Variants in CYB5RL observed in about 807,000 individuals in gnomAD.
CYB5RL encodes the protein NADH-cytochrome b5 reductase-like.
CYB5RL carries 38 observed loss-of-function variants against 37.5 expected under a neutral mutation model. The ratio of observed to expected loss-of-function variants is 1.01; its 90% confidence interval spans 0.78 to 1.33. The LOEUF is 1.33. Ranked by LOEUF, CYB5RL falls within the 40% of genes most tolerant of loss-of-function variation. The pLI, the probability that CYB5RL is intolerant of heterozygous loss-of-function variation, is 0.00. For synonymous variants in CYB5RL, 141 were observed against 151.9 expected, an observed-to-expected ratio of 0.93 and a Z score of 0.53; for missense variants, 388 against 394.4, an observed-to-expected ratio of 0.98 and a Z score of 0.14.
chr1:54,179,922 C>T, intron 6 of CYB5RL: 2 of 454,028 alleles, frequency 4.4e-6, no homozygotes, highest in Admixed American at 4.7e-5. Flanking sequence ...GCATGTAGCA[C>T]AGCACTGGCA....
intron 5 of CYB5RL, chr1:54,185,014 A>T (rs1306336207): frequency 1.3e-5 from 2 of 152,248 alleles, no homozygotes; most frequent in African/African-American, 2.4e-5. Flanking sequence ...TTGAGGATGC[A>T]GGCAAGACAG....
intron 3 of CYB5RL, among the ~76,000 whole-genome samples, chr1:54,193,361 C>A (rs886268285): frequency 6.6e-6 from 1 of 151,974 alleles, no homozygotes; most frequent in Non-Finnish European, 1.5e-5. Context: ...GTCTGGTAGT[C>A]CTGAGTTAGG....
At chr1:54,193,961 C>T (rs1643980455) in intron 3 of CYB5RL, among the ~76,000 whole-genome samples, 1 of 149,470 alleles carries the variant, frequency 6.7e-6, no homozygotes, top group Non-Finnish European at 1.5e-5. Flanking sequence ...TGGAGTGAGA[C>T]TCTGCCTCAA....
chr1:54,197,312 C>CTTTTTTTTTTT (rs199620217), intron 1 of CYB5RL, among the ~76,000 whole-genome samples: 2 of 130,378 alleles, frequency 1.5e-5, no homozygotes, highest in Admixed American at 8.0e-5. Context: ...TTTTTCTTTT[C>CTTTTTTTTTTT]TTTTCTTTTT....
At chr1:54,190,616 T>G in intron 4 of CYB5RL, 132 bp downstream of exon 4, 1 of 1,124,218 alleles carries the variant, frequency 8.9e-7, no homozygotes, top group Non-Finnish European at 1.3e-6. Flanking sequence ...CTCTGAGTCA[T>G]GTGTCACTAT....
At chr1:54,178,702 C>T (rs983932803) in intron 7 of CYB5RL, among the ~76,000 whole-genome samples, 2 of 152,188 alleles carry the variant, frequency 1.3e-5, no homozygotes, top group Non-Finnish European at 2.9e-5. Context: ...TGGCATCATG[C>T]TAAGCACTGA....
In CYB5RL at chr1:54,171,054, T is replaced by G. The variant is rs891815130; in HGVS notation, c.*3565A>C. On this transcript the variant is annotated 3_prime_UTR_variant, in exon 8 of 8. Coordinates refer to ENST00000534324, the MANE Select transcript of CYB5RL (RefSeq NM_001031672.4). The stretch of plus-strand genomic sequence containing the variant: ...CATGCTCACATGCAGATGACACTTA[T>G]GGGTACAGCGACAGAAAAGCACACA... 2 of 441,418 alleles carry G rather than the reference T, an allele frequency of 4.5e-6. No homozygotes were observed. Among genetic ancestry groups the G allele is most frequent in the Admixed American group, 2.4e-5 (1 of 42,130 alleles). The allele number at this position is 441,418 out of a possible 1,614,324, so 27.3% of individuals were successfully genotyped here. A position where few individuals can be genotyped will look rare whatever the true frequency, so the allele number is the denominator to read the frequency against.
In CYB5RL at chr1:54,187,734, A is replaced by G; in HGVS notation, c.353T>C (p.Ile118Thr). 1 of 1,613,850 alleles carries G rather than the reference A, an allele frequency of 6.2e-7. No individual in the cohort carries two copies. The highest frequency in any genetic ancestry group is 1.7e-5 in the Admixed American group (1 of 60,018). The change falls in exon 5 of 8, where the codon ATA becomes ACA. Residue 118 changes from isoleucine to threonine, a missense_variant. Coordinates refer to ENST00000534324, the MANE Select transcript of CYB5RL (RefSeq NM_001031672.4). ...RPGQHLILRG[I>T]VDDLEIQRAY... is the part of the protein sequence containing the mutation. ...TCTCTGAATTTCTAAGTCATCTACTATCCCTCTGAGAAACAGAAGTGTGCA... is the reference window on the plus strand; with the variant it reads ...TCTCTGAATTTCTAAGTCATCTACTGTCCCTCTGAGAAACAGAAGTGTGCA...
rs1644061405 is a variant in CYB5RL, at chr1:54,199,958, C to G, written c.-223+18G>C. 2.2e-6 allele frequency: 1 copy of G among 461,736 alleles called. No homozygotes were observed. Among genetic ancestry groups the G allele is most frequent in the African/African-American group, 2.0e-5 (1 of 50,048 alleles). The allele number at this position is 461,736 out of a possible 1,614,324, so 28.6% of individuals were successfully genotyped here. ...TCTGAAGTCCTGGAGCGATTCTCCA[C>G]CCACCACGACCACTCACCTACTCGC... On this transcript the variant is annotated intron_variant, in intron 1 of 7. Coordinates refer to ENST00000534324, the MANE Select transcript of CYB5RL (RefSeq NM_001031672.4).
intron 7 of CYB5RL, among the ~76,000 whole-genome samples, chr1:54,178,446 C>T (rs1660075872): frequency 6.6e-6 from 1 of 152,180 alleles, no homozygotes; most frequent in African/African-American, 2.4e-5. Context: ...AGCTGAGGGC[C>T]TGGCTTGAGA....
At chr1:54,179,387 T>G (rs1433428898) in intron 6 of CYB5RL, 35 bp from the exon 7 acceptor site, 1 of 1,590,806 alleles carries the variant, frequency 6.3e-7, no homozygotes, top group South Asian at 1.1e-5. Context: ...GACAGGTGGG[T>G]TGGGAGAGTC....
chr1:54,192,741 CTATCACTA>C (rs764008184), intron 3 of CYB5RL, among the ~76,000 whole-genome samples: 23 of 151,740 alleles, frequency 1.5e-4, no homozygotes, highest in Non-Finnish European at 2.8e-4. Context: ...GTGAGTCTTT[CTATCACTA>C]CCCTGTGTTT....
Position 54,174,607 on chromosome 1 carries a change from G to T in CYB5RL, c.*12C>A, listed in dbSNP as rs781522510. 3 of 1,599,278 alleles carry T rather than the reference G, an allele frequency of 1.9e-6. No homozygotes were observed. Among genetic ancestry groups the T allele is most frequent in the Non-Finnish European group, 2.6e-6 (3 of 1,173,590 alleles). ...CAGGCTCATGGCCTAGGCTTTGGAA[G>T]AGAGGCCAGGGCTAGAAGAGGAAAT... On this transcript the variant is annotated 3_prime_UTR_variant, in exon 8 of 8. Coordinates refer to ENST00000534324, the MANE Select transcript of CYB5RL (RefSeq NM_001031672.4).
intron 7 of CYB5RL, among the ~76,000 whole-genome samples, chr1:54,176,130 T>C (rs149669917): frequency 1.2e-4 from 18 of 152,302 alleles, no homozygotes; most frequent in Admixed American, 9.8e-4. Flanking sequence ...AGGATCATGA[T>C]TGTGAGGAGA....
rs193192587 is a variant in CYB5RL, at chr1:54,184,492, G to A, written c.436-227C>T. The A allele has an allele frequency of 2.1e-4, 105 of 499,868 alleles. 1 individual carries two copies. Among genetic ancestry groups the A allele is most frequent in the Non-Finnish European group, 3.0e-4 (85 of 279,610 alleles). 31.0% of individuals were successfully genotyped at this position (499,868 alleles called of 1,614,324 possible). A position where few individuals can be genotyped will look rare whatever the true frequency, so the allele number is the denominator to read the frequency against. On this transcript the variant is annotated intron_variant, in intron 5 of 7. Coordinates refer to ENST00000534324, the MANE Select transcript of CYB5RL (RefSeq NM_001031672.4). ...CAGGAGGCTGGGATGAGAATCCATA[G>A]GACCTAAAGCCTTCAGCATAGAGGT... is the stretch of plus-strand genomic sequence containing the variant.
chr1:54,174,208 A>G lies in CYB5RL; in HGVS notation c.*411T>C, dbSNP rs1659962176. ...TTCCCTACACACTCAGGAGCCCCTA[A>G]TCCGAGATGGTGCTGAGGCCACAGT... On this transcript the variant is annotated 3_prime_UTR_variant, in exon 8 of 8. Coordinates refer to ENST00000534324, the MANE Select transcript of CYB5RL (RefSeq NM_001031672.4). The G allele has an allele frequency of 1.3e-5, 3 of 236,788 alleles. No individual in the cohort carries two copies. The South Asian group carries it at 2.0e-4, about 16-fold the overall frequency. The allele number at this position is 236,788 out of a possible 1,614,324, so 14.7% of individuals were successfully genotyped here.
intron 6 of CYB5RL, among the ~76,000 whole-genome samples, chr1:54,181,910 C>G (rs1660169737): frequency 6.6e-6 from 1 of 152,176 alleles, no homozygotes; most frequent in African/African-American, 2.4e-5. Context: ...TATGACAGCA[C>G]TCCAGCTTGG....
chr1:54,184,083 C>T, intron 6 of CYB5RL, 78 bp downstream of exon 6: 1 of 1,284,504 alleles, frequency 7.8e-7, no homozygotes, highest in African/African-American at 1.5e-5. Context: ...GAGAATGGCA[C>T]AGTGAGATGC....
intron 6 of CYB5RL, among the ~76,000 whole-genome samples, chr1:54,180,974 C>T (rs749317345): frequency 1.3e-5 from 2 of 152,126 alleles, no homozygotes; most frequent in African/African-American, 2.4e-5. Flanking sequence ...CATGATCATG[C>T]CACTGCACTC....
Sources: allele counts gnomAD v4.1 joint callset (sites outside exome capture counted in the v4.1 genomes callset), GRCh38; gene constraint gnomAD v4.1.1; transcripts MANE v1.5; gene names NCBI Gene and HGNC (gene_info 2026-07-23, HGNC 2026-07-21).